Variants in ZFAND1 observed in about 807,000 individuals in gnomAD.
ZFAND1 encodes AN1-type zinc finger protein 1.
A neutral mutation model predicts 38.5 loss-of-function variants in ZFAND1; 40 were observed. That is an observed-to-expected ratio of 1.04 (90% CI 0.81 to 1.35). The LOEUF is 1.35. Ranked by LOEUF, ZFAND1 falls within the 40% of genes most tolerant of loss-of-function variation. The pLI is 0.00. For missense variants in ZFAND1, 346 were observed against 316.3 expected, an observed-to-expected ratio of 1.09 and a Z score of -0.71; for synonymous variants, 117 against 103.6, an observed-to-expected ratio of 1.13 and a Z score of -0.78.
At chr8:81,713,596 C>A (rs1389391310) in intron 6 of ZFAND1, among the ~76,000 whole-genome samples, 2 of 151,700 alleles carry the variant, frequency 1.3e-5, no homozygotes, top group South Asian at 2.1e-4. Context: ...AGGATGGTCA[C>A]CATAGACAGT....
chr8:81,716,497 T>C (rs1243524361), intron 3 of ZFAND1, among the ~76,000 whole-genome samples: 3 of 152,210 alleles, frequency 2.0e-5, no homozygotes, highest in South Asian at 4.1e-4. Context: ...TATTAAACTA[T>C]AGGTTTCTTC....
At chr8:81,718,742 C>T (rs1808385180) in intron 1 of ZFAND1, among the ~76,000 whole-genome samples, 2 of 149,240 alleles carry the variant, frequency 1.3e-5, no homozygotes, top group South Asian at 4.2e-4. Flanking sequence ...ATCGCCAAAG[C>T]TTGACTATAT....
chr8:81,716,803 C>T (rs1245168754), intron 3 of ZFAND1, among the ~76,000 whole-genome samples: 4 of 152,006 alleles, frequency 2.6e-5, no homozygotes, highest in Admixed American at 6.6e-5. Context: ...AAAAATTAGT[C>T]GGGCGTGGTG....
intron 6 of ZFAND1, among the ~76,000 whole-genome samples, chr8:81,710,487 G>A (rs1808110486): frequency 6.6e-6 from 1 of 152,060 alleles, no homozygotes; most frequent in African/African-American, 2.4e-5. Context: ...AGGGTGATGA[G>A]CAGAAAATAC....
intron 3 of ZFAND1, among the ~76,000 whole-genome samples, chr8:81,716,458 T>C (rs1377433251): frequency 6.6e-6 from 1 of 152,200 alleles, no homozygotes; most frequent in Admixed American, 6.5e-5. Context: ...TCTTAACTTA[T>C]GATTTGTGCA....
At position 81,718,222 on chromosome 8, in the gene ZFAND1, A is replaced by C; in HGVS notation, c.58T>G (p.Phe20Val). 1 of 1,572,308 alleles carries C rather than the reference A, an allele frequency of 6.4e-7. No individual in the cohort carries two copies. Among genetic ancestry groups the C allele is most frequent in the South Asian group, 1.2e-5 (1 of 84,138 alleles). ...CAATCATCACACACAAATGGAAGAAAATCTAAAATTGAGAGAAAATGTATA... is the reference window on the plus strand; with the variant it reads ...CAATCATCACACACAAATGGAAGAACATCTAAAATTGAGAGAAAATGTATA... ...CQVEHCRQRDFLPFVCDDCSG... is the reference protein window; with the variant it reads ...CQVEHCRQRDVLPFVCDDCSG... The change falls in exon 2 of 8, where the codon TTT (phenylalanine) becomes GTT (valine). Residue 20 changes from phenylalanine (F) to valine (V), a missense_variant and splice_region_variant. Coordinates refer to ENST00000220669, the MANE Select transcript of ZFAND1 (RefSeq NM_024699.3).
intron 3 of ZFAND1, among the ~76,000 whole-genome samples, chr8:81,716,902 G>A (rs1216319625): frequency 6.6e-6 from 1 of 151,972 alleles, no homozygotes; most frequent in Non-Finnish European, 1.5e-5. Flanking sequence ...AGCCGAGATC[G>A]TACCACTGCA....
rs138390206 is a variant in ZFAND1 at position 81,702,867 on chromosome 8, T to G, written c.637-2A>C. The G allele has an allele frequency of 6.3e-7, 1 of 1,581,508 alleles. No homozygotes were observed. The highest frequency in any genetic ancestry group is 8.6e-7 in the Non-Finnish European group (1 of 1,167,980). ...AGTAATGTGACACAGCCTTAATTTC[T>G]GTGAAGGGAGAAGTAAGTCATACTG... On this transcript the variant is annotated splice_acceptor_variant, in intron 7 of 7. Coordinates refer to ENST00000220669, the MANE Select transcript of ZFAND1 (RefSeq NM_024699.3). LOFTEE classifies it high-confidence loss of function.
chr8:81,715,521 A>C (rs562512217), intron 3 of ZFAND1, among the ~76,000 whole-genome samples: 4 of 152,218 alleles, frequency 2.6e-5, no homozygotes, highest in South Asian at 4.1e-4. Flanking sequence ...AACACTTAAA[A>C]AATATTTATT....
chr8:81,713,891 G>A (rs1808217567), intron 6 of ZFAND1, 27 bp downstream of exon 6: 2 of 1,610,516 alleles, frequency 1.2e-6, no homozygotes, highest in South Asian at 1.1e-5. Flanking sequence ...TGAAATTTTT[G>A]TGTTTTAAAA....
At chr8:81,718,995 T>C (rs951546515) in intron 1 of ZFAND1, among the ~76,000 whole-genome samples, 2 of 152,042 alleles carry the variant, frequency 1.3e-5, no homozygotes. Context: ...TGTATATATG[T>C]ATATGTGTGT....
rs1355751085 is a variant in ZFAND1 at position 81,721,229 on chromosome 8, C to G, written c.53G>C (p.Arg18Pro). ...GGGGCTGGAAGCTCCCGGATCACCT[C>G]GCTGCCGGCAATGCTCCACCTGGCA... ...QHCQVEHCRQRDFLPFVCDDC... is the reference protein window; with the variant it reads ...QHCQVEHCRQPDFLPFVCDDC... Residue 18 changes from arginine to proline, a missense_variant and splice_region_variant, in exon 1 of 8, where the codon CGA becomes CCA. By Grantham distance (103) the Arg-to-Pro change is moderately radical. Transcript: ENST00000220669. 6.5e-7 allele frequency: 1 copy of G among 1,548,362 alleles called. No homozygotes were observed. Among genetic ancestry groups the G allele is most frequent in the Admixed American group, 2.0e-5 (1 of 51,020 alleles).
chr8:81,714,741 A>C lies in ZFAND1; in HGVS notation c.358+63T>G. The C allele has an allele frequency of 2.1e-6, 3 of 1,402,512 alleles. No individual in the cohort carries two copies. In the South Asian group the frequency reaches 3.5e-5, roughly 16 times the overall value. The allele number at this position is 1,402,512 out of a possible 1,614,324, so 86.9% of individuals were successfully genotyped here. On this transcript the variant is annotated intron_variant, in intron 5 of 7. Coordinates refer to ENST00000220669, the MANE Select transcript of ZFAND1 (RefSeq NM_024699.3). ...ATGATGCCTCCCATAATTGGAAAGT[A>C]GATATAAGAAGCAGGAGCTCTGGAA...
chr8:81,712,827 A>G (rs1028379469), intron 6 of ZFAND1, among the ~76,000 whole-genome samples: 1 of 152,206 alleles, frequency 6.6e-6, no homozygotes, highest in Non-Finnish European at 1.5e-5. Flanking sequence ...TACCAAAATC[A>G]TAATTTCACC....
At position 81,706,370 on chromosome 8, in the gene ZFAND1, C is replaced by CAAAAAAAAAAA. The variant is rs35031788; in HGVS notation, c.481-3257_481-3247dup. ...CAAGTAAGCCCTAAGGAAGGAGAAA[C>CAAAAAAAAAAA]AAAAAAAAAAAAAAAAAAAAAAAAG... On this transcript the variant is annotated intron_variant, in intron 6 of 7. Transcript: ENST00000220669. 2.4e-3 allele frequency among the ~76,000 whole-genome samples: 171 copies of CAAAAAAAAAAA among 72,658 alleles called. 5 individuals are homozygous for CAAAAAAAAAAA. Among genetic ancestry groups the CAAAAAAAAAAA allele is most frequent in the East Asian group, 0.012 (26 of 2,214 alleles). The allele number at this position is 72,658 out of a possible 152,430, so 47.7% of individuals were successfully genotyped here.
chr8:81,714,061 T>C (rs373977943), intron 5 of ZFAND1, 22 bp from the exon 6 acceptor site: 1 of 1,572,780 alleles, frequency 6.4e-7, no homozygotes, highest in Non-Finnish European at 8.6e-7. Context: ...AAGCATGTAA[T>C]CACATAAAAC....
At chr8:81,714,307 T>C (rs1808234489) in intron 5 of ZFAND1, 2 of 327,492 alleles carry the variant, frequency 6.1e-6, no homozygotes, top group Middle Eastern at 8.9e-4. Flanking sequence ...CAGTCATTAA[T>C]GCTTCTACAG....
At chr8:81,716,286 G>C (rs1808309313) in intron 3 of ZFAND1, among the ~76,000 whole-genome samples, 1 of 152,330 alleles carries the variant, frequency 6.6e-6, no homozygotes, top group Middle Eastern at 3.4e-3. Context: ...ACTGCCTTCA[G>C]GGAGAAAGCC....
At chr8:81,704,803 T>C (rs1807924871) in intron 6 of ZFAND1, among the ~76,000 whole-genome samples, 1 of 152,112 alleles carries the variant, frequency 6.6e-6, no homozygotes, top group Non-Finnish European at 1.5e-5. Flanking sequence ...GGGTGTGTTA[T>C]TACAGGTAAC....
Sources: gnomAD v4.1 joint callset for allele counts (sites outside exome capture counted in the v4.1 genomes callset) on GRCh38, gnomAD v4.1.1 for gene constraint, MANE v1.5 for transcripts, NCBI Gene and HGNC (gene_info 2026-07-23, HGNC 2026-07-21) for gene names.